BCKDHB: variants seen among roughly 807,000 people sequenced by gnomAD.
The protein encoded by BCKDHB is 2-oxoisovalerate dehydrogenase subunit beta, mitochondrial.
BCKDHB carries 41 observed loss-of-function variants against 48.5 expected under a neutral mutation model. The observed-to-expected ratio is 0.85, with a 90% CI of 0.66 to 1.10. The LOEUF (loss-of-function observed/expected upper bound fraction) is 1.10. Among genes scored for constraint, BCKDHB ranks in the 50% least tolerant of loss-of-function variants. The pLI, the probability that BCKDHB is intolerant of heterozygous loss-of-function variation, is 0.00. For missense variants in BCKDHB, 496 were observed against 494.2 expected (o/e 1.00, Z -0.03); for synonymous variants, 201 against 174.8 (o/e 1.15, Z -1.18).
chr6:80,301,662 G>A (rs1767589481), intron 9 of BCKDHB, among the ~76,000 whole-genome samples: 2 of 152,106 alleles, frequency 1.3e-5, no homozygotes, highest in Admixed American at 6.5e-5. Flanking sequence ...TACAAAGACA[G>A]CATCAGCCTG....
rs1404988839 is a variant in BCKDHB at position 80,203,242 on chromosome 6, T to C, written c.951+30T>C. 7.4e-6 allele frequency: 11 copies of C among 1,478,986 alleles called. No homozygotes were observed. The South Asian group carries it at 1.1e-4, about 15-fold the overall frequency. 91.6% of individuals were successfully genotyped at this position (1,478,986 alleles called of 1,614,324 possible). On this transcript the variant is annotated intron_variant, in intron 8 of 9. Transcript: ENST00000320393. ...GAATATAATGGTGATAGAATGTCAT[T>C]TCCCTGAAACCTTTGGCCAAATATG... is the stretch of plus-strand genomic sequence containing the variant.
At chr6:80,351,633 A>ATT in the BCKDHB span, among the ~76,000 whole-genome samples, 2 of 127,962 alleles carry the variant, frequency 1.6e-5, no homozygotes, top group Admixed American at 9.6e-5. Flanking sequence ...TAGATCTGGA[A>ATT]TTTTTTTTTT....
intron 6 of BCKDHB, among the ~76,000 whole-genome samples, chr6:80,189,573 A>C (rs1773800295): frequency 6.6e-6 from 1 of 151,926 alleles, no homozygotes; most frequent in Non-Finnish European, 1.5e-5. Context: ...AAAGGCATAT[A>C]ATAAGCCCTT....
At chr6:80,435,007 CT>C in the BCKDHB span, among the ~76,000 whole-genome samples, 1 of 152,144 alleles carries the variant, frequency 6.6e-6, no homozygotes, top group Non-Finnish European at 1.5e-5. Context: ...GCTATCTTGG[CT>C]TTCTTTAATT....
chr6:80,409,633 ATAGT>A, the BCKDHB span, among the ~76,000 whole-genome samples: 28 of 79,564 alleles, frequency 3.5e-4, no homozygotes, highest in Middle Eastern at 0.01. Context: ...TATATATATG[ATAGT>A]TAGTTCTTCT....
chr6:80,224,374 C>A (rs906065414), intron 8 of BCKDHB, among the ~76,000 whole-genome samples: 16 of 151,994 alleles, frequency 1.1e-4, no homozygotes, highest in African/African-American at 3.9e-4. Context: ...ATTTCATTAT[C>A]TATAAAAGAG....
chr6:80,107,416 TG>T (rs1769143396), intron 1 of BCKDHB, among the ~76,000 whole-genome samples: 1 of 83,850 alleles, frequency 1.2e-5, no homozygotes, highest in Admixed American at 1.5e-4. Context: ...ATACAGAAAT[TG>T]TGTGTATGTG....
chr6:80,225,677 A>G (rs920771140), intron 8 of BCKDHB, among the ~76,000 whole-genome samples: 14 of 152,182 alleles, frequency 9.2e-5, no homozygotes, highest in African/African-American at 3.1e-4. Flanking sequence ...CAAAAATTCC[A>G]TCAACATTTT....
downstream of BCKDHB, among the ~76,000 whole-genome samples, chr6:80,348,276 C>A (rs1770296450): frequency 6.6e-6 from 1 of 152,136 alleles, no homozygotes; most frequent in South Asian, 2.1e-4. Context: ...TAAATCTCAT[C>A]ATCTAAAAAT....
At position 80,159,648 on chromosome 6, in the gene BCKDHB, GC is replaced by G. The variant is rs778390204; in HGVS notation, c.344-8029del. On this transcript the variant is annotated intron_variant, in intron 3 of 9. Transcript: ENST00000320393. ...TCTTTATCAAATTTTTCATCATCAA[GC>G]TTTAATATATTGTGAAATCACAACA... 7.2e-5 allele frequency among the ~76,000 whole-genome samples: 11 copies of G among 152,180 alleles called. No homozygotes were observed. The South Asian group carries it at 1.5e-3, about 20-fold the overall frequency.
intron 8 of BCKDHB, among the ~76,000 whole-genome samples, chr6:80,265,258 C>T (rs1777464995): frequency 6.6e-6 from 1 of 152,072 alleles, no homozygotes; most frequent in Non-Finnish European, 1.5e-5. Flanking sequence ...TACACCTATG[C>T]TCATTGCAGC....
chr6:80,333,887 C>T (rs2128011691), intron 9 of BCKDHB, among the ~76,000 whole-genome samples: 1 of 152,210 alleles, frequency 6.6e-6, no homozygotes, highest in South Asian at 2.1e-4. Context: ...CAGTCACTAA[C>T]TACCTCTTCA....
At chr6:80,396,386 GC>G in the BCKDHB span, among the ~76,000 whole-genome samples, 2 of 152,186 alleles carry the variant, frequency 1.3e-5, no homozygotes, top group African/African-American at 4.8e-5. Flanking sequence ...GATTTTACAG[GC>G]TCATAGACAG....
chr6:80,344,567 G>C lies in BCKDHB; in HGVS notation c.*763G>C, dbSNP rs563470467. The C allele has an allele frequency of 6.6e-6, 1 of 151,276 alleles. No homozygotes were observed. Among genetic ancestry groups the C allele is most frequent in the African/African-American group, 2.4e-5 (1 of 41,066 alleles). 9.4% of individuals were successfully genotyped at this position (151,276 alleles called of 1,614,324 possible). A position where few individuals can be genotyped will look rare whatever the true frequency, so the allele number is the denominator to read the frequency against. On this transcript the variant is annotated 3_prime_UTR_variant, in exon 10 of 10. Coordinates refer to ENST00000320393, the MANE Select transcript of BCKDHB (RefSeq NM_183050.4). ...TCACCATGTTGGCCAGGATGGTCTC[G>C]ATCTCTTGACCTTGTGTTCCACCCG...
chr6:80,290,029 G>A (rs1766832441), intron 9 of BCKDHB, among the ~76,000 whole-genome samples: 1 of 152,088 alleles, frequency 6.6e-6, no homozygotes. Context: ...GCACAGCACA[G>A]CCCCTGCAGC....
At chr6:80,390,417 C>A in the BCKDHB span, among the ~76,000 whole-genome samples, 4 of 152,324 alleles carry the variant, frequency 2.6e-5, no homozygotes, top group African/African-American at 4.8e-5. Context: ...CCAGCTATGA[C>A]CATGTGACCA....
intron 8 of BCKDHB, among the ~76,000 whole-genome samples, chr6:80,255,877 A>G (rs1257273608): frequency 6.6e-6 from 1 of 152,228 alleles, no homozygotes; most frequent in Non-Finnish European, 1.5e-5. Flanking sequence ...TAGTCACTAA[A>G]GTTCTTTTTG....
At chr6:80,309,612 T>C in intron 9 of BCKDHB, among the ~76,000 whole-genome samples, 1 of 152,170 alleles carries the variant, frequency 6.6e-6, no homozygotes, top group East Asian at 1.9e-4. Flanking sequence ...TGTTTGTTTG[T>C]TTTACTGAAT....
chr6:80,415,116 T>G, the BCKDHB span, among the ~76,000 whole-genome samples: 10 of 152,230 alleles, frequency 6.6e-5, no homozygotes, highest in Middle Eastern at 3.4e-3. Context: ...CATTGCTTTT[T>G]TATCCTGAAA....
Sources: allele counts gnomAD v4.1 joint callset (sites outside exome capture counted in the v4.1 genomes callset), GRCh38; gene constraint gnomAD v4.1.1; transcripts MANE v1.5; gene names NCBI Gene and HGNC (gene_info 2026-07-23, HGNC 2026-07-21).